Variants in TCHP observed in about 807,000 individuals in gnomAD.
TCHP encodes trichoplein keratin filament binding.
TCHP carries 81 observed loss-of-function variants against 88.7 expected under a neutral mutation model. The observed-to-expected ratio is 0.91, with a 90% CI of 0.76 to 1.10. The LOEUF is 1.10. TCHP is among the 50% of genes least tolerant of loss of function. TCHP has a pLI of 0.00. For missense variants in TCHP, 641 were observed against 632.1 expected, an observed-to-expected ratio of 1.01 and a Z score of -0.15; for synonymous variants, 232 against 232.5, an observed-to-expected ratio of 1.00 and a Z score of 0.02.
rs546586981 is a variant in TCHP, at chr12:109,914,493, C to T, written c.1186C>T (p.Arg396Trp). The change falls in exon 11 of 13, where the codon CGG becomes TGG. Residue 396 changes from arginine to tryptophan, a missense_variant. Physicochemically the swap from Arg to Trp is moderately radical, Grantham distance 101. Coordinates refer to ENST00000405876, the MANE Select transcript of TCHP (RefSeq NM_001143852.2). ...ACAAGAGAAGATTGAGCAGAACCGA[C>T]GGGCACAAGAGGAATCCCTGAAACA... ...QIQEKIEQNR[R>W]AQEESLKHRE... The T allele has an allele frequency of 2.0e-5, 33 of 1,614,084 alleles. No homozygotes were observed. Among genetic ancestry groups the T allele is most frequent in the African/African-American group, 1.3e-4 (10 of 75,036 alleles).
rs147853930 is a variant in TCHP, at chr12:109,915,470, G to A, written c.1388G>A (p.Arg463Gln). 39 of 1,613,930 alleles carry A rather than the reference G, an allele frequency of 2.4e-5. No homozygotes were observed. Among genetic ancestry groups the A allele is most frequent in the African/African-American group, 2.4e-4 (18 of 74,904 alleles). ...QQEEEEEEEA[R>Q]RVEQLSDALL... ...GAGGAGGAGGAAGAGGAGGAGGCCC[G>A]GCGGGTCGAGCAGCTCTCAGATGCC... Residue 463 changes from arginine to glutamine, a missense_variant, in exon 12 of 13, where the codon CGG (arginine) becomes CAG (glutamine). Transcript: ENST00000405876.
the TCHP span, among the ~76,000 whole-genome samples, chr12:109,882,920 G>C: frequency 3.9e-5 from 6 of 151,930 alleles, no homozygotes; most frequent in East Asian, 1.2e-3. Flanking sequence ...GCCTCCCAAA[G>C]TGCTGGGATT....
chr12:109,909,975 C>G (rs567481671), intron 8 of TCHP, among the ~76,000 whole-genome samples: 1 of 151,724 alleles, frequency 6.6e-6, no homozygotes, highest in South Asian at 2.1e-4. Flanking sequence ...AAAACAAGAA[C>G]AACAACAACA....
chr12:109,906,611 T>C lies in TCHP; in HGVS notation c.496T>C (p.Trp166Arg). ...TCACCAGAAGCATGTCGTAAACTCT[T>C]GGGAAATGCAGAAAGAAGAAAAAAA... ...DLHQKHVVNS[W>R]EMQKEEKKQQ... The change falls in exon 5 of 13, where the codon TGG becomes CGG. Residue 166 changes from tryptophan to arginine, a missense_variant. Transcript: ENST00000405876. 6.2e-7 allele frequency: 1 copy of C among 1,611,336 alleles called. No individual in the cohort carries two copies. The highest frequency in any genetic ancestry group is 2.2e-5 in the East Asian group (1 of 44,850).
chr12:109,886,565 T>G, the TCHP span, among the ~76,000 whole-genome samples: 1 of 152,170 alleles, frequency 6.6e-6, no homozygotes, highest in East Asian at 1.9e-4. Flanking sequence ...GCACAAGATA[T>G]TCCAAGCTTA....
At chr12:109,910,626 G>A (rs560047809) in intron 8 of TCHP, among the ~76,000 whole-genome samples, 3 of 152,282 alleles carry the variant, frequency 2.0e-5, no homozygotes, top group South Asian at 4.1e-4. Flanking sequence ...CTTCCATTAT[G>A]TTGATGTACA....
intron 1 of TCHP, among the ~76,000 whole-genome samples, chr12:109,902,380 C>T: frequency 6.6e-6 from 1 of 152,020 alleles, no homozygotes; most frequent in Non-Finnish European, 1.5e-5. Context: ...TGGCTGGTCT[C>T]CAACTCCCGG....
chr12:109,881,353 T>C, the TCHP span, among the ~76,000 whole-genome samples: 1 of 152,268 alleles, frequency 6.6e-6, no homozygotes, highest in South Asian at 2.1e-4. Flanking sequence ...ACATTCATCC[T>C]CTCCCACCAA....
chr12:109,907,622 A>G lies in TCHP; in HGVS notation c.622A>G (p.Arg208Gly). 1 of 1,614,180 alleles carries G rather than the reference A, an allele frequency of 6.2e-7. No individual in the cohort carries two copies. The highest frequency in any genetic ancestry group is 8.5e-7 in the Non-Finnish European group (1 of 1,180,038). Residue 208 changes from arginine (R) to glycine (G), a missense_variant, in exon 6 of 13, where the codon AGG becomes GGG. Coordinates refer to ENST00000405876, the MANE Select transcript of TCHP (RefSeq NM_001143852.2). ...ALERMKAEEERRQLEDKLQAE... is the reference protein window; with the variant it reads ...ALERMKAEEEGRQLEDKLQAE... ...AGAAAGGATGAAAGCTGAAGAGGAG[A>G]GGAGGCAGCTGGAGGACAAGCTCCA... is the stretch of plus-strand genomic sequence containing the variant.
the TCHP span, among the ~76,000 whole-genome samples, chr12:109,890,035 T>C: frequency 6.6e-6 from 1 of 152,194 alleles, no homozygotes; most frequent in African/African-American, 2.4e-5. Context: ...GTTTTGGACA[T>C]TTTTTCAGTT....
intron 11 of TCHP, 125 bp from the exon 12 acceptor site, chr12:109,915,278 G>A: frequency 7.7e-7 from 1 of 1,299,298 alleles, no homozygotes; most frequent in Non-Finnish European, 1.1e-6. Flanking sequence ...CTTGGCACGT[G>A]CATTGCTGTT....
At chr12:109,895,467 G>A (rs768878043), upstream of TCHP, among the ~76,000 whole-genome samples, 3 of 151,800 alleles carry the variant, frequency 2.0e-5, no homozygotes, top group Non-Finnish European at 4.4e-5. Context: ...GATCCTCCTC[G>A]GCCTCCCAAA....
At chr12:109,887,123 T>C in the TCHP span, among the ~76,000 whole-genome samples, 2 of 152,158 alleles carry the variant, frequency 1.3e-5, no homozygotes, top group East Asian at 3.8e-4. Context: ...CTTCTATCCG[T>C]ATTGAAAACC....
At chr12:109,894,532 G>A in the TCHP span, among the ~76,000 whole-genome samples, 2 of 151,670 alleles carry the variant, frequency 1.3e-5, no homozygotes, top group South Asian at 2.1e-4. Flanking sequence ...TTGGGAGGCC[G>A]AGGTGGGCAG....
the TCHP span, among the ~76,000 whole-genome samples, chr12:109,883,424 G>A: frequency 6.6e-6 from 1 of 152,026 alleles, no homozygotes; most frequent in African/African-American, 2.4e-5. Context: ...GAGGGGCTGG[G>A]GAAGATAAAG....
the TCHP span, among the ~76,000 whole-genome samples, chr12:109,883,090 G>C: frequency 6.7e-6 from 1 of 149,878 alleles, no homozygotes; most frequent in Non-Finnish European, 1.5e-5. Context: ...CAAGGCTAGA[G>C]TGGTGTGATC....
At chr12:109,888,323 A>G in the TCHP span, 2 of 152,178 alleles carry the variant, frequency 1.3e-5, no homozygotes, top group Non-Finnish European at 2.9e-5. Flanking sequence ...GGGAAATACT[A>G]CCAGGCACAG....
Position 109,903,791 on chromosome 12 carries a change from T to C in TCHP, c.189-146T>C. 1 of 662,420 alleles carries C rather than the reference T, an allele frequency of 1.5e-6. No homozygotes were observed. Among genetic ancestry groups the C allele is most frequent in the Non-Finnish European group, 2.7e-6 (1 of 374,464 alleles). 41.0% of individuals were successfully genotyped at this position (662,420 alleles called of 1,614,324 possible). A position where few individuals can be genotyped will look rare whatever the true frequency, so the allele number is the denominator to read the frequency against. ...ATTTTCTCTTACACATACTATTCTG[T>C]GACCTGCTGTCTCTGCTTTGGCTGG... On this transcript the variant is annotated intron_variant, in intron 2 of 12. Transcript: ENST00000405876. The surrounding 1 kb of genome is among the most constrained non-coding windows in gnomAD (Gnocchi z 4.6).
At chr12:109,888,531 T>G in the TCHP span, 1 of 152,212 alleles carries the variant, frequency 6.6e-6, no homozygotes, top group Non-Finnish European at 1.5e-5. Context: ...TAATAACATC[T>G]TCCCCAACTG....
Sources: allele counts gnomAD v4.1 joint callset (sites outside exome capture counted in the v4.1 genomes callset), GRCh38; gene constraint gnomAD v4.1.1; non-coding constraint Gnocchi (gnomAD v3.1); transcripts MANE v1.5; gene names NCBI Gene and HGNC (gene_info 2026-07-23, HGNC 2026-07-21).